The following SAMTOR variants were observed in gnomAD, a reference collection of about 807,000 sequenced individuals.
The protein encoded by SAMTOR is UPF0532 protein C7orf60.
At chr7:112,843,236 G>A in the SAMTOR span, among the ~76,000 whole-genome samples, 1 of 151,908 alleles carries the variant, frequency 6.6e-6, no homozygotes, top group Non-Finnish European at 1.5e-5. Context: ...AGAAATGCAT[G>A]AATAAATCAA....
At chr7:112,889,857 C>T in the SAMTOR span, among the ~76,000 whole-genome samples, 3 of 152,082 alleles carry the variant, frequency 2.0e-5, no homozygotes, top group Admixed American at 6.5e-5. Context: ...GGACAGGACT[C>T]GTTAAAAAAT....
the SAMTOR span, chr7:112,939,625 G>A: frequency 2.0e-5 from 33 of 1,613,862 alleles, no homozygotes; most frequent in Non-Finnish European, 2.8e-5. Context: ...GCCGGTGGAC[G>A]CTCTTCACCA....
the SAMTOR span, among the ~76,000 whole-genome samples, chr7:112,892,838 A>C: frequency 6.6e-6 from 1 of 152,168 alleles, no homozygotes; most frequent in South Asian, 2.1e-4. Flanking sequence ...TGGGCTGCAG[A>C]ATGGACGTTG....
At chr7:112,922,489 G>A in the SAMTOR span, among the ~76,000 whole-genome samples, 5 of 151,408 alleles carry the variant, frequency 3.3e-5, no homozygotes, top group South Asian at 2.1e-4. Flanking sequence ...CTGCCCGGCC[G>A]CCATCCCATC....
At chr7:112,911,368 A>G in the SAMTOR span, among the ~76,000 whole-genome samples, 6 of 152,184 alleles carry the variant, frequency 3.9e-5, no homozygotes, top group Middle Eastern at 3.2e-3. Context: ...GAAACCACCT[A>G]AAGAGGTCAT....
the SAMTOR span, among the ~76,000 whole-genome samples, chr7:112,832,151 A>G: frequency 6.6e-6 from 1 of 151,370 alleles, no homozygotes. Context: ...AGCTGGGATT[A>G]TGGGCGCTTG....
chr7:112,860,499 T>C, the SAMTOR span, among the ~76,000 whole-genome samples: 1 of 152,106 alleles, frequency 6.6e-6, no homozygotes. Context: ...TTGCTCTTAG[T>C]TAAGTGCATA....
At chr7:112,875,654 A>G in the SAMTOR span, among the ~76,000 whole-genome samples, 1 of 152,134 alleles carries the variant, frequency 6.6e-6, no homozygotes, top group Non-Finnish European at 1.5e-5. Context: ...TCATTACTCT[A>G]TAAACATCCC....
At chr7:112,917,524 T>A in the SAMTOR span, among the ~76,000 whole-genome samples, 82 of 152,178 alleles carry the variant, frequency 5.4e-4, no homozygotes, top group Non-Finnish European at 1.0e-3. Context: ...AACTGGAAAC[T>A]CTAAAAAGCA....
the SAMTOR span, among the ~76,000 whole-genome samples, chr7:112,872,631 G>C: frequency 6.6e-6 from 1 of 151,972 alleles, no homozygotes; most frequent in Non-Finnish European, 1.5e-5. Context: ...GTCCTAGCCA[G>C]AGCAATCAAG....
chr7:112,870,763 A>C, the SAMTOR span, among the ~76,000 whole-genome samples: 1 of 151,616 alleles, frequency 6.6e-6, no homozygotes, highest in African/African-American at 2.4e-5. Context: ...AAAAAAAAAA[A>C]AACCCACCCA....
the SAMTOR span, among the ~76,000 whole-genome samples, chr7:112,886,894 C>T: frequency 1.3e-5 from 2 of 152,210 alleles, no homozygotes; most frequent in African/African-American, 4.8e-5. Context: ...GGGCCAGGCA[C>T]AGCGGCTCAC....
At chr7:112,826,789 G>GA in the SAMTOR span, among the ~76,000 whole-genome samples, 1 of 151,988 alleles carries the variant, frequency 6.6e-6, no homozygotes, top group Non-Finnish European at 1.5e-5. Context: ...TGACATCTAT[G>GA]CATTTTGATA....
At chr7:112,927,077 T>C in the SAMTOR span, among the ~76,000 whole-genome samples, 76 of 152,158 alleles carry the variant, frequency 5.0e-4, no homozygotes, top group Non-Finnish European at 8.1e-4. Context: ...TAATAGCCCA[T>C]TTTTTGTTTT....
the SAMTOR span, among the ~76,000 whole-genome samples, chr7:112,881,992 G>A: frequency 6.6e-6 from 1 of 152,250 alleles, no homozygotes; most frequent in Non-Finnish European, 1.5e-5. Flanking sequence ...AGCCAAGGCT[G>A]TGAAACCCTC....
At chr7:112,840,579 G>T in the SAMTOR span, among the ~76,000 whole-genome samples, 1 of 151,564 alleles carries the variant, frequency 6.6e-6, no homozygotes, top group Admixed American at 6.6e-5. Context: ...TTTCTTGTCT[G>T]TGTGAGGCAA....
the SAMTOR span, among the ~76,000 whole-genome samples, chr7:112,834,902 T>C: frequency 6.6e-6 from 1 of 152,160 alleles, no homozygotes; most frequent in Non-Finnish European, 1.5e-5. Flanking sequence ...TGAGATACCA[T>C]ACTCAAATAC....
the SAMTOR span, among the ~76,000 whole-genome samples, chr7:112,909,563 T>C: frequency 6.6e-6 from 1 of 152,162 alleles, no homozygotes; most frequent in South Asian, 2.1e-4. Flanking sequence ...TATATTCTGA[T>C]CCTTGGTGGG....
the SAMTOR span, among the ~76,000 whole-genome samples, chr7:112,897,485 T>G: frequency 1.3e-5 from 2 of 152,142 alleles, no homozygotes; most frequent in South Asian, 4.1e-4. Context: ...ACTAAGGCAG[T>G]AAAATACTTA....
Sources: gnomAD v4.1 joint callset for allele counts (sites outside exome capture counted in the v4.1 genomes callset) on GRCh38, gnomAD v4.1.1 for gene constraint, MANE v1.5 for transcripts, NCBI Gene and HGNC (gene_info 2026-07-23, HGNC 2026-07-21) for gene names.